The following TBX15 variants were observed in gnomAD, a reference collection of about 807,000 sequenced individuals.
The protein encoded by TBX15 is T-box transcription factor TBX15.
In TBX15, 18 loss-of-function variants were observed where a neutral mutation model predicts 53.9. That is an observed-to-expected ratio of 0.33 (90% CI 0.23 to 0.49). The LOEUF (loss-of-function observed/expected upper bound fraction) is 0.49, where lower values mean the gene tolerates loss of function less well. Ranked by LOEUF, TBX15 falls within the 20% of genes least tolerant of loss-of-function variation. The pLI, the probability that TBX15 is intolerant of heterozygous loss-of-function variation, is 0.98. For missense variants in TBX15, 692 were observed against 749.5 expected (o/e 0.92, Z 0.90); for synonymous variants, 295 against 278.0 (o/e 1.06, Z -0.61).
intron 6 of TBX15, among the ~76,000 whole-genome samples, chr1:118,907,297 A>G (rs943955606): frequency 1.3e-5 from 2 of 152,220 alleles, no homozygotes; most frequent in African/African-American, 4.8e-5. Context: ...GTCAGAGGAA[A>G]TCCCAGAGTC....
At chr1:118,906,772 T>C (rs1305701261) in intron 6 of TBX15, among the ~76,000 whole-genome samples, 2 of 152,198 alleles carry the variant, frequency 1.3e-5, no homozygotes, top group African/African-American at 4.8e-5. Context: ...TGACATGTTA[T>C]GTAAAAGGAC....
intron 1 of TBX15, among the ~76,000 whole-genome samples, chr1:118,960,006 C>A (rs1310240426): frequency 1.4e-5 from 2 of 147,680 alleles, no homozygotes; most frequent in Non-Finnish European, 3.0e-5. Flanking sequence ...TAGAAATTGT[C>A]AAGACAGCTG....
At chr1:118,964,549 C>T (rs1656980075) in intron 1 of TBX15, among the ~76,000 whole-genome samples, 1 of 152,212 alleles carries the variant, frequency 6.6e-6, no homozygotes, top group African/African-American at 2.4e-5. Context: ...TCCAGGGGCT[C>T]CAAACATCTA....
intron 5 of TBX15, among the ~76,000 whole-genome samples, chr1:118,920,484 G>A (rs779364735): frequency 7.2e-5 from 11 of 152,178 alleles, no homozygotes; most frequent in Admixed American, 1.3e-4. Flanking sequence ...ACCAGATTGC[G>A]ACACTCTTGC....
At chr1:118,928,467 C>T (rs933702676) in intron 2 of TBX15, among the ~76,000 whole-genome samples, 4 of 152,148 alleles carry the variant, frequency 2.6e-5, no homozygotes, top group African/African-American at 7.2e-5. Flanking sequence ...AGGTTAGGCA[C>T]TTTAATTTGC....
intron 5 of TBX15, among the ~76,000 whole-genome samples, chr1:118,914,700 A>T (rs933183596): frequency 6.6e-6 from 1 of 152,210 alleles, no homozygotes; most frequent in African/African-American, 2.4e-5. Context: ...CACTGAAGGC[A>T]TGCCTTTCCT....
chr1:118,885,493 T>C lies in TBX15; in HGVS notation c.1048A>G (p.Thr350Ala), dbSNP rs753039824. ...GATGGTGTCCCAGTGCTGGAGGTGG[T>C]TGGGGAAGTGCCTGTGCTGCCTCCT... is the stretch of plus-strand genomic sequence containing the variant. ...QQGGSTGTSP[T>A]TSSTGTPSPS... Residue 350 changes from threonine to alanine, a missense_variant, in exon 8 of 8, where the codon ACC becomes GCC. Physicochemically the swap from Thr to Ala is moderately conservative, Grantham distance 58. Coordinates refer to ENST00000369429, the MANE Select transcript of TBX15 (RefSeq NM_001330677.2). The C allele has an allele frequency of 6.3e-7, 1 of 1,598,834 alleles. No homozygotes were observed.
chr1:118,962,491 A>G (rs1030894494), intron 1 of TBX15, among the ~76,000 whole-genome samples: 13 of 152,186 alleles, frequency 8.5e-5, no homozygotes, highest in Non-Finnish European at 1.5e-4. Context: ...AATGACAATG[A>G]TGCTCGTTCC....
At chr1:118,921,642 T>C (rs1053475449) in intron 5 of TBX15, among the ~76,000 whole-genome samples, 1 of 152,212 alleles carries the variant, frequency 6.6e-6, no homozygotes, top group Non-Finnish European at 1.5e-5. Context: ...TCTAGCCCAT[T>C]GCTGTCTGTG....
At chr1:118,973,701 A>G (rs1657317533) in intron 1 of TBX15, among the ~76,000 whole-genome samples, 1 of 152,020 alleles carries the variant, frequency 6.6e-6, no homozygotes, top group Non-Finnish European at 1.5e-5. Context: ...TCACCCACGC[A>G]GGCTAGGGAA....
In TBX15 at chr1:118,931,684, T is replaced by C. The variant is rs781242296; in HGVS notation, c.354A>G (p.Gln118=). 3.5e-5 allele frequency: 56 copies of C among 1,613,986 alleles called. No homozygotes were observed. Among genetic ancestry groups the C allele is most frequent in the Non-Finnish European group, 4.6e-5 (54 of 1,179,982 alleles). Residue 118 remains glutamine (Q), a synonymous_variant, in exon 2 of 8, where the codon CAA becomes CAG. Transcript: ENST00000369429. ...SSMEEIQVEL[Q]CADLWKRFHD... ...GGAACCGCTTCCAGAGGTCAGCACA[T>C]TGCAGCTCCACCTGAATCTCCTCCA...
chr1:118,914,273 C>G (rs980299105), intron 5 of TBX15, 94 bp from the exon 6 acceptor site: 1 of 1,147,708 alleles, frequency 8.7e-7, no homozygotes, highest in East Asian at 2.5e-5. Flanking sequence ...TTTTTAATAA[C>G]AGTTGTTGCT....
Position 118,893,613 on chromosome 1 carries a change from AAG to A in TBX15, c.1024+5413_1024+5414del, listed in dbSNP as rs146118610. Among the ~76,000 whole-genome samples, 15 of 136,632 alleles carry A rather than the reference AAG, an allele frequency of 1.1e-4. 1 individual carries two copies. Among genetic ancestry groups the A allele is most frequent in the African/African-American group, 3.5e-4 (10 of 28,576 alleles). 89.6% of individuals were successfully genotyped at this position (136,632 alleles called of 152,430 possible). A position where few individuals can be genotyped will look rare whatever the true frequency, so the allele number is the denominator to read the frequency against. ...AAGGAAGGAAGGAAAGAAAGAAAGA[AAG>A]AGAGAGAGAAAGAAAAAGAAAGAAA... On this transcript the variant is annotated intron_variant, in intron 7 of 7. Transcript: ENST00000369429.
chr1:118,888,931 G>T (rs1654041139), intron 7 of TBX15, among the ~76,000 whole-genome samples: 1 of 152,150 alleles, frequency 6.6e-6, no homozygotes, highest in Admixed American at 6.5e-5. Flanking sequence ...AAAAAAGGTG[G>T]GGGGTGGAAC....
At chr1:118,964,988 G>A (rs569876968) in intron 1 of TBX15, among the ~76,000 whole-genome samples, 14 of 152,334 alleles carry the variant, frequency 9.2e-5, no homozygotes, top group South Asian at 2.1e-4. Context: ...TTGCCCTGCC[G>A]TTCTTTGAAA....
At chr1:118,981,474 G>C (rs546756117) in intron 1 of TBX15, among the ~76,000 whole-genome samples, 1 of 152,290 alleles carries the variant, frequency 6.6e-6, no homozygotes, top group Non-Finnish European at 1.5e-5. Context: ...GTGAACATAT[G>C]TTTTATACAC....
intron 5 of TBX15, among the ~76,000 whole-genome samples, chr1:118,923,099 A>C (rs1655476795): frequency 6.6e-6 from 1 of 151,438 alleles, no homozygotes; most frequent in Admixed American, 6.6e-5. Flanking sequence ...AGCTTGAAAA[A>C]TCTTAATTAT....
intron 7 of TBX15, among the ~76,000 whole-genome samples, chr1:118,890,539 A>G (rs1385859335): frequency 6.6e-6 from 1 of 152,176 alleles, no homozygotes; most frequent in Non-Finnish European, 1.5e-5. Context: ...CATATATGAC[A>G]TTAAATTGCT....
At chr1:118,909,827 C>A (rs1037018912) in intron 6 of TBX15, among the ~76,000 whole-genome samples, 18 of 152,176 alleles carry the variant, frequency 1.2e-4, no homozygotes, top group Admixed American at 1.2e-3. Flanking sequence ...GTGATCCACC[C>A]ACCTCGGCCT....
Sources: allele counts gnomAD v4.1 joint callset (sites outside exome capture counted in the v4.1 genomes callset), GRCh38; gene constraint gnomAD v4.1.1; transcripts MANE v1.5; gene names NCBI Gene and HGNC (gene_info 2026-07-23, HGNC 2026-07-21).